RLIG1: variants seen among roughly 807,000 people sequenced by gnomAD.
RLIG1 encodes RNA 5'-phosphate and 3'-OH ligase 1.
chr12:88,043,430 AG>A, the RLIG1 span, among the ~76,000 whole-genome samples: 1 of 152,298 alleles, frequency 6.6e-6, no homozygotes, highest in African/African-American at 2.4e-5. Flanking sequence ...TTAAATTGTT[AG>A]TACCCTAATC....
the RLIG1 span, chr12:88,045,280 T>A: frequency 4.6e-6 from 1 of 216,548 alleles, no homozygotes; most frequent in African/African-American, 2.3e-5. Flanking sequence ...TATAAAAAAT[T>A]TTGAGTGCTG....
the RLIG1 span, among the ~76,000 whole-genome samples, chr12:88,040,704 G>A: frequency 6.6e-6 from 1 of 152,088 alleles, no homozygotes; most frequent in Admixed American, 6.5e-5. Context: ...TCTTGGCAGT[G>A]TCTCTAATTA....
At chr12:88,036,109 G>A in the RLIG1 span, 1 of 1,325,950 alleles carries the variant, frequency 7.5e-7, no homozygotes, top group Non-Finnish European at 9.9e-7. Context: ...TACTTTTCAA[G>A]AGTGCAGTAA....
the RLIG1 span, among the ~76,000 whole-genome samples, chr12:88,043,296 ATTTATG>A: frequency 6.6e-6 from 1 of 152,096 alleles, no homozygotes; most frequent in African/African-American, 2.4e-5. Flanking sequence ...GCATTCATGT[ATTTATG>A]TTTATATTTG....
the RLIG1 span, chr12:88,035,573 T>C: frequency 6.8e-7 from 1 of 1,465,832 alleles, no homozygotes; most frequent in South Asian, 1.2e-5. Context: ...GGGTGACTGC[T>C]TCAGGGCTTC....
chr12:88,049,056 C>T, the RLIG1 span: 1 of 467,128 alleles, frequency 2.1e-6, no homozygotes, highest in Non-Finnish European at 3.8e-6. Context: ...TTAAGAATTC[C>T]AATCTAAGTA....
the RLIG1 span, chr12:88,049,364 A>AAAT: frequency 2.6e-6 from 4 of 1,565,436 alleles, no homozygotes; most frequent in Admixed American, 3.5e-5. Flanking sequence ...TTTCTTCAAA[A>AAAT]AATGAAGGAT....
chr12:88,048,171 T>C, the RLIG1 span: 1 of 1,298,640 alleles, frequency 7.7e-7, no homozygotes, highest in Non-Finnish European at 1.0e-6. Flanking sequence ...GGCACTCAAA[T>C]ATTTCTAAGT....
the RLIG1 span, among the ~76,000 whole-genome samples, chr12:88,041,487 G>T: frequency 5.3e-5 from 8 of 152,126 alleles, no homozygotes; most frequent in Non-Finnish European, 1.0e-4. Flanking sequence ...TTTTTGAGGA[G>T]CCACTATACT....
the RLIG1 span, chr12:88,045,879 T>A: frequency 2.2e-6 from 2 of 900,686 alleles, no homozygotes; most frequent in Non-Finnish European, 1.7e-6. Context: ...AAGAAATGAC[T>A]AACAAATTTG....
the RLIG1 span, among the ~76,000 whole-genome samples, chr12:88,046,219 T>C: frequency 6.6e-6 from 1 of 152,116 alleles, no homozygotes; most frequent in Non-Finnish European, 1.5e-5. Context: ...GAGAGCACTA[T>C]GGGTTACACC....
the RLIG1 span, among the ~76,000 whole-genome samples, chr12:88,047,689 G>A: frequency 1.2e-4 from 19 of 152,042 alleles, no homozygotes; most frequent in Admixed American, 3.9e-4. Context: ...AAATGAATGA[G>A]CATATTACTT....
At chr12:88,041,157 T>G in the RLIG1 span, among the ~76,000 whole-genome samples, 8 of 152,314 alleles carry the variant, frequency 5.3e-5, no homozygotes, top group East Asian at 1.5e-3. Context: ...CTCTATGAAT[T>G]TGACTACTCT....
chr12:88,049,626 AGTTGT>A, the RLIG1 span: 4 of 413,148 alleles, frequency 9.7e-6, no homozygotes, highest in African/African-American at 8.4e-5. Flanking sequence ...GTATTCTGTA[AGTTGT>A]GTTCTAGTCT....
the RLIG1 span, among the ~76,000 whole-genome samples, chr12:88,038,247 C>T: frequency 1.3e-5 from 2 of 152,038 alleles, no homozygotes; most frequent in South Asian, 4.1e-4. Flanking sequence ...TACAGGAGTG[C>T]TAATATGAGG....
the RLIG1 span, chr12:88,047,044 CTA>C: frequency 2.8e-5 from 39 of 1,370,130 alleles, no homozygotes; most frequent in Admixed American, 1.7e-4. Context: ...AGAAGTGACA[CTA>C]AAATTCTCTC....
At chr12:88,039,321 T>G in the RLIG1 span, among the ~76,000 whole-genome samples, 3 of 152,106 alleles carry the variant, frequency 2.0e-5, no homozygotes, top group Non-Finnish European at 2.9e-5. Flanking sequence ...AAAACAAGTT[T>G]TGTAAATCAC....
chr12:88,045,511 A>G, the RLIG1 span: 3 of 1,092,080 alleles, frequency 2.7e-6, no homozygotes, highest in Admixed American at 2.8e-5. Context: ...CAACAAAAAT[A>G]TAAATTACCT....
chr12:88,042,145 G>C, the RLIG1 span: 7 of 152,238 alleles, frequency 4.6e-5, no homozygotes, highest in South Asian at 8.3e-4. Flanking sequence ...CTTAGATCAG[G>C]AACCACTTAT....
Sources: allele counts gnomAD v4.1 joint callset (sites outside exome capture counted in the v4.1 genomes callset), GRCh38; gene constraint gnomAD v4.1.1; transcripts MANE v1.5; gene names NCBI Gene and HGNC (gene_info 2026-07-23, HGNC 2026-07-21).